The following HS6ST2 variants were observed in gnomAD, a reference collection of about 807,000 sequenced individuals.
HS6ST2 encodes heparan sulfate 6-O-sulfotransferase 2.
HS6ST2 carries 17 observed loss-of-function variants against 33.0 expected under a neutral mutation model. The observed-to-expected ratio is 0.52, with a 90% CI of 0.35 to 0.77. The LOEUF (loss-of-function observed/expected upper bound fraction) is 0.77. HS6ST2 is among the 30% of genes least tolerant of loss of function. The pLI is 0.01. For missense variants in HS6ST2, 519 were observed against 551.7 expected (o/e 0.94, Z 0.59); for synonymous variants, 248 against 237.1 (o/e 1.05, Z -0.42).
At chrX:132,801,200 A>T (rs1477035437) in intron 2 of HS6ST2, among the ~76,000 whole-genome samples, 2 of 110,868 alleles carry the variant, frequency 1.8e-5, no homozygotes, top group Non-Finnish European at 3.8e-5. Context: ...ACCAACAGGA[A>T]GAAGAGAATT....
chrX:132,848,731 A>G (rs747370577), intron 2 of HS6ST2, among the ~76,000 whole-genome samples: 1 of 112,069 alleles, frequency 8.9e-6, no homozygotes, highest in East Asian at 2.8e-4. Context: ...AGCCAACAGC[A>G]TGTGGCAGGA....
chrX:132,683,722 T>C (rs1249511359), intron 3 of HS6ST2, among the ~76,000 whole-genome samples: 1 of 111,548 alleles, frequency 9.0e-6, no homozygotes, highest in East Asian at 2.8e-4. Flanking sequence ...TCAACTCTAG[T>C]GTAAAAATAG....
intron 2 of HS6ST2, among the ~76,000 whole-genome samples, chrX:132,947,040 A>C (rs1039586537): frequency 1.8e-5 from 2 of 111,710 alleles, no homozygotes; most frequent in African/African-American, 6.5e-5. Flanking sequence ...GGTTTAACAC[A>C]ACACCCAATG....
chrX:132,921,758 A>AC (rs1243247260), intron 2 of HS6ST2, among the ~76,000 whole-genome samples: 16 of 112,207 alleles, frequency 1.4e-4, no homozygotes, highest in Non-Finnish European at 2.6e-4. Context: ...TGAGTAAATT[A>AC]CCCAAAGACT....
intron 2 of HS6ST2, among the ~76,000 whole-genome samples, chrX:132,886,846 C>T (rs1339764064): frequency 9.0e-6 from 1 of 111,369 alleles, no homozygotes; most frequent in Non-Finnish European, 1.9e-5. Context: ...ATTCAAAATG[C>T]TGAGAGGGCC....
intron 2 of HS6ST2, among the ~76,000 whole-genome samples, chrX:132,885,359 G>C (rs934284655): frequency 2.7e-5 from 3 of 111,385 alleles, no homozygotes; most frequent in Non-Finnish European, 5.7e-5. Flanking sequence ...ACACAGAGCT[G>C]TGTACTCTGA....
intron 2 of HS6ST2, among the ~76,000 whole-genome samples, chrX:132,776,795 C>G (rs2064964205): frequency 1.8e-5 from 2 of 111,439 alleles, no homozygotes; most frequent in African/African-American, 6.5e-5. Flanking sequence ...GCACCGCAGT[C>G]TTAGAACCAT....
chrX:132,947,285 T>C (rs1467625848), intron 2 of HS6ST2, among the ~76,000 whole-genome samples: 1 of 110,023 alleles, frequency 9.1e-6, no homozygotes, highest in Non-Finnish European at 1.9e-5. Flanking sequence ...TGTGTGTGTA[T>C]ATATATATAC....
intron 2 of HS6ST2, among the ~76,000 whole-genome samples, chrX:132,950,329 T>C (rs1364772478): frequency 8.9e-6 from 1 of 112,217 alleles, no homozygotes. Flanking sequence ...AAAGCATGTA[T>C]AAAAGTATGT....
intron 2 of HS6ST2, among the ~76,000 whole-genome samples, chrX:132,836,221 C>T (rs767211550): frequency 1.8e-5 from 2 of 112,168 alleles, no homozygotes; most frequent in East Asian, 5.6e-4. Context: ...ACACTTTGTG[C>T]TGGGTTCTTG....
intron 2 of HS6ST2, among the ~76,000 whole-genome samples, chrX:132,847,369 C>T (rs1316087283): frequency 9.0e-6 from 1 of 111,175 alleles, no homozygotes; most frequent in Non-Finnish European, 1.9e-5. Flanking sequence ...TATACCATCC[C>T]CCAAGCCATA....
intron 3 of HS6ST2, among the ~76,000 whole-genome samples, chrX:132,670,210 G>T (rs1007481651): frequency 9.0e-6 from 1 of 111,441 alleles, no homozygotes; most frequent in African/African-American, 3.3e-5. Context: ...GAACCTTCCA[G>T]TGGCAAAGAA....
intron 2 of HS6ST2, among the ~76,000 whole-genome samples, chrX:132,908,301 T>C (rs1335947773): frequency 8.9e-6 from 1 of 112,173 alleles, no homozygotes; most frequent in East Asian, 2.8e-4. Context: ...GAAACCCTCA[T>C]ACATTGCTGG....
intron 2 of HS6ST2, among the ~76,000 whole-genome samples, chrX:132,846,820 A>G (rs1437448690): frequency 1.8e-5 from 2 of 110,389 alleles, no homozygotes; most frequent in African/African-American, 6.6e-5. Context: ...TACAAATGCC[A>G]TTCTAGATCA....
At chrX:132,722,817 T>A (rs1602611353) in intron 2 of HS6ST2, among the ~76,000 whole-genome samples, 1 of 107,855 alleles carries the variant, frequency 9.3e-6, no homozygotes, top group Non-Finnish European at 1.9e-5. Flanking sequence ...GCTGTGAAGG[T>A]GATTGAGATT....
At chrX:132,764,735 T>A (rs1286925849) in intron 2 of HS6ST2, among the ~76,000 whole-genome samples, 1 of 112,100 alleles carries the variant, frequency 8.9e-6, no homozygotes, top group African/African-American at 3.2e-5. Flanking sequence ...CTCACAGGAA[T>A]GGGCTTTTTC....
chrX:132,659,501 G>A (rs1338179760), intron 4 of HS6ST2, among the ~76,000 whole-genome samples: 1 of 111,627 alleles, frequency 9.0e-6, no homozygotes, highest in Non-Finnish European at 1.9e-5. Flanking sequence ...TTCTCAAGTT[G>A]AAATACTAAA....
At chrX:132,660,826 T>C (rs2063766192) in intron 4 of HS6ST2, among the ~76,000 whole-genome samples, 1 of 112,115 alleles carries the variant, frequency 8.9e-6, no homozygotes, top group Admixed American at 9.5e-5. Flanking sequence ...CATAAAGAAC[T>C]TCCAAAGACT....
At chrX:132,911,638 C>CTTT (rs767104982) in intron 2 of HS6ST2, among the ~76,000 whole-genome samples, 7 of 91,981 alleles carry the variant, frequency 7.6e-5, no homozygotes, top group African/African-American at 2.1e-4. Context: ...AGCACACACT[C>CTTT]TTTTTTTTTT....
Sources: allele counts gnomAD v4.1 joint callset (sites outside exome capture counted in the v4.1 genomes callset), GRCh38; gene constraint gnomAD v4.1.1; transcripts MANE v1.5; gene names NCBI Gene and HGNC (gene_info 2026-07-23, HGNC 2026-07-21).